Variants in EMB observed in about 807,000 individuals in gnomAD.
EMB encodes embigin, also known as embigin homolog.
In EMB, 31 loss-of-function variants were observed where a neutral mutation model predicts 41.4. The ratio of observed to expected loss-of-function variants is 0.75; its 90% CI spans 0.56 to 1.01. The LOEUF is 1.01. Ranked by LOEUF, EMB falls within the 50% of genes least tolerant of loss-of-function variation. The pLI is 0.00. For synonymous variants in EMB, 137 were observed against 140.4 expected (o/e 0.98, Z 0.17); for missense variants, 379 against 388.3 (o/e 0.98, Z 0.20).
At chr5:50,400,968 G>C (rs1179644760) in intron 7 of EMB, among the ~76,000 whole-genome samples, 1 of 151,984 alleles carries the variant, frequency 6.6e-6, no homozygotes, top group African/African-American at 2.4e-5. Context: ...GAGAATAGAG[G>C]AATCCGAGCA....
chr5:50,435,352 C>G (rs573283292), intron 1 of EMB, among the ~76,000 whole-genome samples: 1 of 152,128 alleles, frequency 6.6e-6, no homozygotes, highest in Admixed American at 6.5e-5. Context: ...CACACCCCAT[C>G]TAAGTTTCAA....
chr5:50,414,876 T>G (rs16879113), intron 2 of EMB, among the ~76,000 whole-genome samples: 17,720 of 152,208 alleles, frequency 0.12, 1,185 homozygotes, highest in East Asian at 0.17. Flanking sequence ...AACTACCTTT[T>G]AAATGTTGGT....
chr5:50,399,737 AT>A, intron 8 of EMB, 121 bp downstream of exon 8: 1 of 744,728 alleles, frequency 1.3e-6, no homozygotes. Flanking sequence ...TAACAAGCAT[AT>A]TTGAGCACAT....
intron 2 of EMB, among the ~76,000 whole-genome samples, chr5:50,412,373 C>T (rs1456401985): frequency 6.6e-6 from 1 of 151,986 alleles, no homozygotes; most frequent in Non-Finnish European, 1.5e-5. Flanking sequence ...TGACTAAAAG[C>T]AGAGCCTTTC....
intron 2 of EMB, among the ~76,000 whole-genome samples, chr5:50,413,563 G>T (rs181873549): frequency 2.5e-4 from 38 of 151,564 alleles, no homozygotes; most frequent in East Asian, 3.9e-4. Context: ...AAATGATCTG[G>T]TTTTTTCTTT....
At position 50,397,930 on chromosome 5, in the gene EMB, G is replaced by A. The variant is rs746681951; in HGVS notation, c.*1343C>T. On this transcript the variant is annotated 3_prime_UTR_variant, in exon 9 of 9. Transcript: ENST00000303221. The stretch of plus-strand genomic sequence containing the variant: ...ATACTAGTAATATTGGTAAACATTA[G>A]TGATACAATTTTCACTACCAAAATT... 3.3e-5 allele frequency: 5 copies of A among 151,950 alleles called. No individual in the cohort carries two copies. The highest frequency in any genetic ancestry group is 5.9e-5 in the Non-Finnish European group (4 of 67,970). The allele number at this position is 151,950 out of a possible 1,614,324, so 9.4% of individuals were successfully genotyped here.
At chr5:50,402,876 C>CAAAAAA (rs564451334) in intron 6 of EMB, among the ~76,000 whole-genome samples, 6 of 54,644 alleles carry the variant, frequency 1.1e-4, no homozygotes, top group African/African-American at 2.5e-4. Context: ...CCAGTAGCAC[C>CAAAAAA]AAAAAAAAAA....
intron 1 of EMB, among the ~76,000 whole-genome samples, chr5:50,430,092 T>C (rs1386505929): frequency 1.3e-5 from 2 of 152,106 alleles, no homozygotes; most frequent in East Asian, 3.9e-4. Context: ...TGAAAATTCC[T>C]TGTTTCCATT....
chr5:50,431,757 G>A (rs1745724052), intron 1 of EMB, among the ~76,000 whole-genome samples: 1 of 152,140 alleles, frequency 6.6e-6, no homozygotes, highest in Non-Finnish European at 1.5e-5. Context: ...TTTACAGGTA[G>A]AGACAAAAAT....
Position 50,423,442 on chromosome 5 carries a change from A to G in EMB, c.196+4702T>C, listed in dbSNP as rs147796828. 2.0e-5 allele frequency among the ~76,000 whole-genome samples: 3 copies of G among 152,310 alleles called. No individual in the cohort carries two copies. In the East Asian group the frequency reaches 5.8e-4, roughly 29 times the overall value. The stretch of plus-strand genomic sequence containing the variant: ...TTTGAACCTGCTTTGTCTTTTTAAA[A>G]AACAGTATAATATTCATTCTCATGT... On this transcript the variant is annotated intron_variant, in intron 2 of 8. Coordinates refer to ENST00000303221, the MANE Select transcript of EMB (RefSeq NM_198449.3).
At chr5:50,422,159 T>C (rs1745535706) in intron 2 of EMB, among the ~76,000 whole-genome samples, 1 of 152,152 alleles carries the variant, frequency 6.6e-6, no homozygotes, top group African/African-American at 2.4e-5. Context: ...AATTATGCCA[T>C]AAAATACCAA....
In EMB at chr5:50,403,466, A is replaced by G; in HGVS notation, c.601-12T>C. 1 of 1,610,278 alleles carries G rather than the reference A, an allele frequency of 6.2e-7. No individual in the cohort carries two copies. Among genetic ancestry groups the G allele is most frequent in the Admixed American group, 1.7e-5 (1 of 59,656 alleles). On this transcript the variant is annotated splice_polypyrimidine_tract_variant and intron_variant, in intron 5 of 8. Transcript: ENST00000303221. ...ACACCAACAGGAACCTAATATGAGG[A>G]GACATTAAAATCCATTCCTATCATA...
intron 2 of EMB, among the ~76,000 whole-genome samples, chr5:50,420,930 T>C (rs1351504542): frequency 7.9e-5 from 12 of 152,150 alleles, no homozygotes. Context: ...TCTCACACAG[T>C]TGACTCATCC....
intron 5 of EMB, among the ~76,000 whole-genome samples, chr5:50,404,880 C>T (rs145319435): frequency 7.8e-4 from 118 of 151,972 alleles, no homozygotes; most frequent in Non-Finnish European, 1.3e-3. Context: ...CATCTGTCAT[C>T]CTTCAATAGT....
intron 2 of EMB, among the ~76,000 whole-genome samples, chr5:50,423,770 G>T (rs1044884687): frequency 6.6e-6 from 1 of 152,160 alleles, no homozygotes; most frequent in African/African-American, 2.4e-5. Context: ...AATTTAAACT[G>T]TGTTGAGGAC....
intron 4 of EMB, among the ~76,000 whole-genome samples, chr5:50,406,345 A>T (rs1311356859): frequency 6.6e-6 from 1 of 151,892 alleles, no homozygotes; most frequent in Admixed American, 6.6e-5. Context: ...AACAAAGGAA[A>T]ATTAACAGAA....
At chr5:50,416,941 A>G (rs558845948) in intron 2 of EMB, among the ~76,000 whole-genome samples, 425 of 152,298 alleles carry the variant, frequency 2.8e-3, no homozygotes, top group Non-Finnish European at 5.2e-3. Flanking sequence ...CACATAATTA[A>G]AAGTAGTATA....
chr5:50,440,271 C>T (rs1226384444), intron 1 of EMB, among the ~76,000 whole-genome samples: 3 of 152,166 alleles, frequency 2.0e-5, no homozygotes, highest in Admixed American at 1.3e-4. Flanking sequence ...AGGTGGCTCA[C>T]GCCTGTAATC....
intron 4 of EMB, among the ~76,000 whole-genome samples, chr5:50,407,269 G>A (rs1361153779): frequency 6.6e-6 from 1 of 151,918 alleles, no homozygotes; most frequent in African/African-American, 2.4e-5. Context: ...GGTAATTCTT[G>A]GGGAAAAACC....
Sources: allele counts gnomAD v4.1 joint callset (sites outside exome capture counted in the v4.1 genomes callset), GRCh38; gene constraint gnomAD v4.1.1; transcripts MANE v1.5; gene names NCBI Gene and HGNC (gene_info 2026-07-23, HGNC 2026-07-21).